The following UNC5A variants were observed in gnomAD, a reference collection of about 807,000 sequenced individuals.
UNC5A encodes netrin receptor UNC5A.
A neutral mutation model predicts 87.4 loss-of-function variants in UNC5A; 20 were observed. That is an observed-to-expected ratio of 0.23 (90% CI 0.16 to 0.33). The LOEUF (loss-of-function observed/expected upper bound fraction) is 0.33, where lower values mean the gene tolerates loss of function less well. UNC5A is among the 10% of genes least tolerant of loss of function. The pLI is 1.00. For missense variants in UNC5A, 844 were observed against 1,133.4 expected (o/e 0.74, Z 3.67); for synonymous variants, 438 against 482.3 (o/e 0.91, Z 1.20).
At chr5:176,830,791 T>C (rs1756997632) in intron 1 of UNC5A, among the ~76,000 whole-genome samples, 1 of 146,744 alleles carries the variant, frequency 6.8e-6, no homozygotes, top group African/African-American at 2.5e-5. Flanking sequence ...GGCGTGTGTG[T>C]GCTGGCATGT....
chr5:176,853,402 G>A (rs1757591863), intron 1 of UNC5A, among the ~76,000 whole-genome samples: 2 of 152,198 alleles, frequency 1.3e-5, no homozygotes, highest in Non-Finnish European at 2.9e-5. Flanking sequence ...TGAGATGGGA[G>A]CGGTGCCGCC....
In UNC5A at chr5:176,865,673, C is replaced by T. The variant is rs765021863; in HGVS notation, c.293-2457C>T. The T allele has an allele frequency of 2.6e-5, 12 of 456,566 alleles. No homozygotes were observed. Among genetic ancestry groups the T allele is most frequent in the African/African-American group, 2.4e-4 (12 of 50,102 alleles). 28.3% of individuals were successfully genotyped at this position (456,566 alleles called of 1,614,324 possible). The stretch of plus-strand genomic sequence containing the variant: ...CAGATACCACGGCAGTGGCGCCACG[C>T]CGCCAAAGACCAAAGACCCCAAACC... On this transcript the variant is annotated intron_variant, in intron 2 of 14. Coordinates refer to ENST00000329542, the MANE Select transcript of UNC5A (RefSeq NM_133369.3). This position sits in a 1 kb window ranked among gnomAD's most constrained non-coding sequence, Gnocchi z 5.3.
chr5:176,879,422 G>A lies in UNC5A; in HGVS notation c.2297G>A (p.Ser766Asn). ...CTCATTCGGCAGAAGATAATTTCCA[G>A]CCTGGACCCACCCTGTAGGCGGGGT... is the stretch of plus-strand genomic sequence containing the variant. ...PFLIRQKIIS[S>N]LDPPCRRGAD... The change falls in exon 14 of 15, where the codon AGC becomes AAC. Residue 766 changes from serine (S) to asparagine (N), a missense_variant. Physicochemically the swap from Ser to Asn is conservative, Grantham distance 46. This residue lies in a region of UNC5A where 177 missense variants were observed against 279.4 expected (regional missense o/e 0.63). Transcript: ENST00000329542. The A allele has an allele frequency of 6.2e-7, 1 of 1,612,854 alleles. No individual in the cohort carries two copies. The highest frequency in any genetic ancestry group is 8.5e-7 in the Non-Finnish European group (1 of 1,179,882).
Position 176,838,945 on chromosome 5 carries a change from A to T in UNC5A, c.71-23679A>T, listed in dbSNP as rs1200151660. Among the ~76,000 whole-genome samples, 1 of 152,248 alleles carries T rather than the reference A, an allele frequency of 6.6e-6. No homozygotes were observed. The highest frequency in any genetic ancestry group is 1.9e-4 in the East Asian group (1 of 5,196). On this transcript the variant is annotated intron_variant, in intron 1 of 14. Transcript: ENST00000329542. The surrounding 1 kb of genome is among the most constrained non-coding windows in gnomAD (Gnocchi z 4.2). ...ACTCAAACCACATAGCTTACTATGG[A>T]ACAAGAGTGGATCTCCAAAGAAAAT...
chr5:176,865,424 A>G lies in UNC5A; in HGVS notation c.292+2579A>G. 8.4e-6 allele frequency: 3 copies of G among 359,036 alleles called. No homozygotes were observed. Among genetic ancestry groups the G allele is most frequent in the Non-Finnish European group, 1.7e-5 (3 of 181,264 alleles). 22.2% of individuals were successfully genotyped at this position (359,036 alleles called of 1,614,324 possible). ...CACACACACCGGGAGCCCCTGGCCC[A>G]CACTCCCCAGCCGGCTCCTGTGGCC... On this transcript the variant is annotated intron_variant, in intron 2 of 14. Transcript: ENST00000329542. The surrounding 1 kb of genome is among the most constrained non-coding windows in gnomAD (Gnocchi z 5.3).
Position 176,879,799 on chromosome 5 carries a change from C to T in UNC5A, c.2442C>T (p.Asn814=), listed in dbSNP as rs754584938. 78 of 1,613,228 alleles carry T rather than the reference C, an allele frequency of 4.8e-5. No individual in the cohort carries two copies. The East Asian group carries it at 1.2e-3, about 25-fold the overall frequency. Residue 814 remains asparagine, a synonymous_variant, in exon 15 of 15, where the codon AAC becomes AAT. Transcript: ENST00000329542. ...LNLWEARHFP[N]GNLSQLAAAV... The stretch of plus-strand genomic sequence containing the variant: ...TGTGGGAGGCGCGGCACTTCCCCAA[C>T]GGCAACCTCAGCCAGCTGGCTGCAG...
At position 176,869,068 on chromosome 5, in the gene UNC5A, T is replaced by A; in HGVS notation, c.721+104T>A. The A allele has an allele frequency of 7.6e-7, 1 of 1,316,694 alleles. No individual in the cohort carries two copies. The highest frequency in any genetic ancestry group is 2.5e-5 in the Admixed American group (1 of 40,226). 81.6% of individuals were successfully genotyped at this position (1,316,694 alleles called of 1,614,324 possible). ...GAGAGGCCATGAGGCCAAAGCCAGG[T>A]GGACCAGATCGTGCCTGACTAGGCA... On this transcript the variant is annotated intron_variant, in intron 5 of 14. Coordinates refer to ENST00000329542, the MANE Select transcript of UNC5A (RefSeq NM_133369.3). The surrounding 1 kb of genome is among the most constrained non-coding windows in gnomAD (Gnocchi z 9.1).
intron 1 of UNC5A, among the ~76,000 whole-genome samples, chr5:176,846,128 G>A (rs1435079399): frequency 1.3e-5 from 2 of 152,120 alleles, no homozygotes; most frequent in African/African-American, 2.4e-5. Context: ...CTGCAGTGGC[G>A]AGCCTGGAGG....
chr5:176,870,583 TTGCC>T, intron 6 of UNC5A, 49 bp downstream of exon 6: 1 of 1,533,416 alleles, frequency 6.5e-7, no homozygotes, highest in Non-Finnish European at 8.8e-7. Context: ...TGGATTGGCC[TTGCC>T]CAGCCCTGGG....
In UNC5A at chr5:176,869,833, C is replaced by T; in HGVS notation, c.722-537C>T. 1 of 577,258 alleles carries T rather than the reference C, an allele frequency of 1.7e-6. No individual in the cohort carries two copies. Among genetic ancestry groups the T allele is most frequent in the East Asian group, 3.0e-5 (1 of 32,934 alleles). The allele number at this position is 577,258 out of a possible 1,614,324, so 35.8% of individuals were successfully genotyped here. A position where few individuals can be genotyped will look rare whatever the true frequency, so the allele number is the denominator to read the frequency against. ...CGTTCCTCACCACGCCATCTCCGTG[C>T]CCTGGCTCCATCGCGCCCACCAGCC... On this transcript the variant is annotated intron_variant, in intron 5 of 14. Transcript: ENST00000329542. The surrounding 1 kb of genome is among the most constrained non-coding windows in gnomAD (Gnocchi z 9.1).
chr5:176,862,820 C>G lies in UNC5A; in HGVS notation c.267C>G (p.Ile89Met), dbSNP rs765661556. The part of the protein sequence containing the change: ...GEWVRQVDHV[I>M]ERSTDGSSGL... ...GGGTGCGCCAGGTGGACCACGTGAT[C>G]GAGCGCAGCACAGACGGGAGCAGTG... The change falls in exon 2 of 15, where the codon ATC becomes ATG. Residue 89 changes from isoleucine (I) to methionine (M), a missense_variant. Physicochemically the swap from Ile to Met is conservative, Grantham distance 10. Transcript: ENST00000329542. The G allele has an allele frequency of 1.1e-5, 17 of 1,613,208 alleles. No homozygotes were observed. Among genetic ancestry groups the G allele is most frequent in the Non-Finnish European group, 1.4e-5 (16 of 1,179,864 alleles).
intron 1 of UNC5A, among the ~76,000 whole-genome samples, chr5:176,827,179 CTTTTTTTTTTTTT>C (rs35306601): frequency 9.3e-6 from 1 of 107,580 alleles, no homozygotes; most frequent in African/African-American, 3.8e-5. Context: ...TGCTTCATTC[CTTTTTTTTTTTTT>C]TTTTTTTTGA....
At chr5:176,854,648 C>T (rs1488021183) in intron 1 of UNC5A, among the ~76,000 whole-genome samples, 1 of 152,238 alleles carries the variant, frequency 6.6e-6, no homozygotes, top group East Asian at 1.9e-4. Flanking sequence ...AGCTGGCTCC[C>T]AGCCAGATTT....
intron 1 of UNC5A, among the ~76,000 whole-genome samples, chr5:176,849,313 A>G (rs983716941): frequency 2.0e-5 from 3 of 152,216 alleles, no homozygotes; most frequent in Non-Finnish European, 2.9e-5. Flanking sequence ...GGCTGGGCGC[A>G]GTGGCTCACG....
intron 1 of UNC5A, among the ~76,000 whole-genome samples, chr5:176,822,780 G>A (rs1196222326): frequency 6.6e-6 from 1 of 152,226 alleles, no homozygotes; most frequent in Non-Finnish European, 1.5e-5. Flanking sequence ...GGCATGTGGT[G>A]GGATTTGGCC....
chr5:176,813,606 G>A (rs1034972583), intron 1 of UNC5A, among the ~76,000 whole-genome samples: 2 of 152,176 alleles, frequency 1.3e-5, no homozygotes, highest in Non-Finnish European at 2.9e-5. Context: ...TGGGAGGGGG[G>A]GCTTCTCTCA....
intron 1 of UNC5A, among the ~76,000 whole-genome samples, chr5:176,817,824 G>C (rs1303974148): frequency 2.0e-5 from 3 of 151,894 alleles, no homozygotes; most frequent in African/African-American, 7.2e-5. Context: ...CGGGAGGCTC[G>C]CGCCCGGGGA....
chr5:176,829,328 T>TATGGATGG (rs546614651), intron 1 of UNC5A, among the ~76,000 whole-genome samples: 1,618 of 93,358 alleles, frequency 0.017, 21 homozygotes, highest in Admixed American at 0.035. Context: ...ATGTATGAAA[T>TATGGATGG]ATGGATGGAT....
rs1287436428 is a variant in UNC5A, at chr5:176,824,255, C to T, written c.70+13435C>T. 6.6e-6 allele frequency among the ~76,000 whole-genome samples: 1 copy of T among 152,170 alleles called. No homozygotes were observed. The highest frequency in any genetic ancestry group is 1.9e-4 in the East Asian group (1 of 5,188). The stretch of plus-strand genomic sequence containing the variant: ...GGGGCTGAGGCGGGTGAGGCCAGCG[C>T]ACAGGGAGATCAGGGACAAGCGGAG... On this transcript the variant is annotated intron_variant, in intron 1 of 14. Transcript: ENST00000329542. This position sits in a 1 kb window ranked among gnomAD's most constrained non-coding sequence, Gnocchi z 4.2.
Sources: gnomAD v4.1 joint callset for allele counts (sites outside exome capture counted in the v4.1 genomes callset) on GRCh38, gnomAD v4.1.1 for gene constraint, gnomAD v4.1.1 regional missense constraint, Gnocchi (gnomAD v3.1) non-coding constraint, MANE v1.5 for transcripts, NCBI Gene and HGNC (gene_info 2026-07-23, HGNC 2026-07-21) for gene names.